Variants in KCNIP1 observed in about 807,000 individuals in gnomAD.
KCNIP1 encodes the protein A-type potassium channel modulatory protein KCNIP1.
KCNIP1 carries 18 observed loss-of-function variants against 33.0 expected under a neutral mutation model. The ratio of observed to expected loss-of-function variants is 0.55; its 90% CI spans 0.38 to 0.81. The LOEUF (loss-of-function observed/expected upper bound fraction) is 0.81, where lower values mean the gene tolerates loss of function less well. Among genes scored for constraint, KCNIP1 ranks in the 30% least tolerant of loss-of-function variants. The pLI is 0.00. For missense variants in KCNIP1, 238 were observed against 271.6 expected (o/e 0.88, Z 0.87); for synonymous variants, 93 against 98.3 (o/e 0.95, Z 0.32).
At chr5:170,700,984 T>C (rs763464206) in intron 1 of KCNIP1, among the ~76,000 whole-genome samples, 2 of 152,190 alleles carry the variant, frequency 1.3e-5, no homozygotes, top group African/African-American at 2.4e-5. Flanking sequence ...CTGGTTGCAG[T>C]AGAACCAACT....
intron 1 of KCNIP1, among the ~76,000 whole-genome samples, chr5:170,653,094 G>T (rs1229249608): frequency 1.3e-5 from 2 of 152,218 alleles, no homozygotes; most frequent in Non-Finnish European, 2.9e-5. Flanking sequence ...CACCCCAAAG[G>T]AAAGGAGTAG....
chr5:170,358,327 C>T (rs913233115), intron 1 of KCNIP1, among the ~76,000 whole-genome samples: 2 of 152,110 alleles, frequency 1.3e-5, no homozygotes, highest in Admixed American at 6.5e-5. Flanking sequence ...GCCCTGGAGC[C>T]GTAACTCTCC....
chr5:170,381,426 G>C (rs958510004), intron 1 of KCNIP1, among the ~76,000 whole-genome samples: 1 of 152,222 alleles, frequency 6.6e-6, no homozygotes, highest in African/African-American at 2.4e-5. Flanking sequence ...AGAGTTGGAG[G>C]GTGGGATGAG....
At chr5:170,397,972 T>G (rs1330265128) in intron 1 of KCNIP1, among the ~76,000 whole-genome samples, 1 of 152,170 alleles carries the variant, frequency 6.6e-6, no homozygotes, top group Admixed American at 6.5e-5. Flanking sequence ...AAAGGGATGT[T>G]GGGGTTATAA....
chr5:170,500,160 G>A (rs1757383122), upstream of KCNIP1, among the ~76,000 whole-genome samples: 1 of 152,086 alleles, frequency 6.6e-6, no homozygotes, highest in African/African-American at 2.4e-5. Context: ...TTGTGCGTGG[G>A]GGGTCTTTGG....
intron 1 of KCNIP1, among the ~76,000 whole-genome samples, chr5:170,627,845 G>A (rs879487659): frequency 6.6e-6 from 1 of 152,222 alleles, no homozygotes; most frequent in Admixed American, 6.5e-5. Context: ...GAGGAGAGGG[G>A]CTTGGGGCTC....
At chr5:170,517,916 C>T (rs111161499) in intron 1 of KCNIP1, among the ~76,000 whole-genome samples, 23,962 of 103,338 alleles carry the variant, frequency 0.23, 2,801 homozygotes, top group African/African-American at 0.42. Flanking sequence ...GTTATGGAGG[C>T]GGTGATGGTG....
At chr5:170,474,715 A>G (rs934079318) in intron 1 of KCNIP1, among the ~76,000 whole-genome samples, 2 of 152,244 alleles carry the variant, frequency 1.3e-5, no homozygotes, top group Non-Finnish European at 2.9e-5. Flanking sequence ...ACCAGGAAAC[A>G]GCAATGCTGC....
At chr5:170,594,861 T>G (rs537372690) in intron 1 of KCNIP1, among the ~76,000 whole-genome samples, 1 of 152,180 alleles carries the variant, frequency 6.6e-6, no homozygotes, top group Non-Finnish European at 1.5e-5. Flanking sequence ...GTCCCACTGA[T>G]GAGTTATGGA....
At chr5:170,678,596 C>G (rs1200379971) in intron 1 of KCNIP1, 1 of 152,234 alleles carries the variant, frequency 6.6e-6, no homozygotes, top group Admixed American at 6.5e-5. Context: ...GGGATTAAGT[C>G]TAATTCCTGG....
intron 1 of KCNIP1, among the ~76,000 whole-genome samples, chr5:170,469,919 G>A (rs991948940): frequency 6.6e-6 from 1 of 152,112 alleles, no homozygotes; most frequent in African/African-American, 2.4e-5. Context: ...TCTTTCAATA[G>A]AGCTTTTCTC....
chr5:170,466,943 A>C (rs1756620878), intron 1 of KCNIP1, among the ~76,000 whole-genome samples: 1 of 152,216 alleles, frequency 6.6e-6, no homozygotes, highest in African/African-American at 2.4e-5. Context: ...GGATGATTTC[A>C]TGGAAGGCAA....
chr5:170,604,527 G>T (rs946840169), intron 1 of KCNIP1, among the ~76,000 whole-genome samples: 2 of 152,182 alleles, frequency 1.3e-5, no homozygotes, highest in Non-Finnish European at 2.9e-5. Flanking sequence ...ACACTTGCAG[G>T]GAGAAGCCAA....
intron 1 of KCNIP1, among the ~76,000 whole-genome samples, chr5:170,517,500 T>C (rs149357522): frequency 6.6e-6 from 1 of 152,276 alleles, no homozygotes; most frequent in African/African-American, 2.4e-5. Context: ...ATGATGATGA[T>C]GGAGGATTAC....
chr5:170,567,975 C>A (rs972652685), intron 1 of KCNIP1, among the ~76,000 whole-genome samples: 1 of 152,194 alleles, frequency 6.6e-6, no homozygotes, highest in South Asian at 2.1e-4. Flanking sequence ...GTGTGGAGCA[C>A]GGGCTACGGA....
intron 1 of KCNIP1, among the ~76,000 whole-genome samples, chr5:170,418,975 C>T (rs138668613): frequency 2.4e-4 from 37 of 152,306 alleles, no homozygotes; most frequent in South Asian, 8.3e-4. Context: ...CTCGCTAAGA[C>T]GATATTTTCT....
At chr5:170,534,897 A>G (rs1192560836) in intron 1 of KCNIP1, among the ~76,000 whole-genome samples, 1 of 151,124 alleles carries the variant, frequency 6.6e-6, no homozygotes, top group African/African-American at 2.4e-5. Context: ...GAGGCCCGGG[A>G]GACTTGCCTC....
intron 1 of KCNIP1, among the ~76,000 whole-genome samples, chr5:170,471,293 C>G (rs941961546): frequency 6.6e-6 from 1 of 152,136 alleles, no homozygotes; most frequent in Non-Finnish European, 1.5e-5. Context: ...GCAATCAATG[C>G]TTATTGTGGA....
At chr5:170,390,768 T>G (rs1754554757) in intron 1 of KCNIP1, among the ~76,000 whole-genome samples, 1 of 151,812 alleles carries the variant, frequency 6.6e-6, no homozygotes, top group Non-Finnish European at 1.5e-5. Flanking sequence ...ACCCTGGGGC[T>G]GCTCTGAGAC....
Sources: gnomAD v4.1 joint callset for allele counts (sites outside exome capture counted in the v4.1 genomes callset) on GRCh38, gnomAD v4.1.1 for gene constraint, MANE v1.5 for transcripts, NCBI Gene and HGNC (gene_info 2026-07-23, HGNC 2026-07-21) for gene names.